Variants in RBFOX1 observed in about 807,000 individuals in gnomAD.
RBFOX1 encodes RNA binding fox-1 homolog 1, also known as RNA binding protein fox-1 homolog 1.
Under a neutral mutation model 57.7 loss-of-function variants are expected in RBFOX1, and 8 were observed. That is an observed-to-expected ratio of 0.14 (90% CI 0.08 to 0.25). The LOEUF (loss-of-function observed/expected upper bound fraction) is 0.25, where lower values mean the gene tolerates loss of function less well. Ranked by LOEUF, RBFOX1 falls within the 10% of genes least tolerant of loss-of-function variation. The probability of loss-of-function intolerance (pLI) is 1.00; values close to 1 mark genes in which losing one functional copy is unlikely to be tolerated. For missense variants in RBFOX1, 611 were observed against 548.5 expected (o/e 1.11, Z -1.14); for synonymous variants, 326 against 222.4 (o/e 1.47, Z -4.15).
At chr16:5,599,454 C>T (rs1013132694) in exon 3 of RBFOX1, 1 of 538,990 alleles carries the variant, frequency 1.9e-6, no homozygotes, top group African/African-American at 1.9e-5. Flanking sequence ...CCCGTGTATC[C>T]CTCATCTGTC....
chr16:7,263,203 G>A (rs999464463), intron 4 of RBFOX1, among the ~76,000 whole-genome samples: 3 of 152,176 alleles, frequency 2.0e-5, no homozygotes, highest in Non-Finnish European at 2.9e-5. Context: ...TGGCAGAGCC[G>A]TGAGTTACTT....
At chr16:6,220,393 G>C (rs967617347) in intron 1 of RBFOX1, among the ~76,000 whole-genome samples, 1 of 152,128 alleles carries the variant, frequency 6.6e-6, no homozygotes, top group Admixed American at 6.5e-5. Context: ...GGATTTAGAA[G>C]ACTCCACTGA....
At chr16:6,306,296 A>G (rs570615782) in intron 1 of RBFOX1, among the ~76,000 whole-genome samples, 1 of 152,164 alleles carries the variant, frequency 6.6e-6, no homozygotes, top group Non-Finnish European at 1.5e-5. Context: ...CTGAGAGTTG[A>G]ATCATGGATG....
intron 4 of RBFOX1, among the ~76,000 whole-genome samples, chr16:7,180,411 C>G (rs2082469207): frequency 6.6e-6 from 1 of 152,156 alleles, no homozygotes. Flanking sequence ...TCATGGGTCA[C>G]TCTTGTCATC....
intron 2 of RBFOX1, among the ~76,000 whole-genome samples, chr16:6,652,100 C>T (rs75336753): frequency 0.014 from 2,169 of 152,182 alleles, 60 homozygotes; most frequent in African/African-American, 0.049. Flanking sequence ...GGAGGTAATT[C>T]AGGTTAAGTG....
rs142311683 is a variant in RBFOX1, at chr16:5,334,192, T to C, written c.219+94087T>C. On this transcript the variant is annotated intron_variant, in intron 1 of 2. Transcript: ENST00000585867. Reference sequence around the variant, plus strand: ...ATGTGTCTGGTCAGAGGGGAGGATATCTTGGGGCTGACATCTCTCCGGCCA... The same window carrying C: ...ATGTGTCTGGTCAGAGGGGAGGATACCTTGGGGCTGACATCTCTCCGGCCA... Among the ~76,000 whole-genome samples, 25 of 152,194 alleles carry C rather than the reference T, an allele frequency of 1.6e-4. 1 individual carries two copies. Among genetic ancestry groups the C allele is most frequent in the African/African-American group, 6.0e-4 (25 of 41,518 alleles).
intron 1 of RBFOX1, among the ~76,000 whole-genome samples, chr16:5,420,044 C>T (rs948576363): frequency 1.3e-5 from 2 of 152,094 alleles, no homozygotes; most frequent in Non-Finnish European, 2.9e-5. Context: ...AACTGAGTCC[C>T]CTGCCCATAT....
chr16:5,319,790 G>A (rs2064350591), intron 1 of RBFOX1, among the ~76,000 whole-genome samples: 2 of 152,150 alleles, frequency 1.3e-5, no homozygotes, highest in Non-Finnish European at 2.9e-5. Context: ...CTGGTTGGAT[G>A]GCTTTCCACA....
intron 3 of RBFOX1, among the ~76,000 whole-genome samples, chr16:5,834,770 C>CAT (rs2056403593): frequency 6.9e-6 from 1 of 145,504 alleles, no homozygotes; most frequent in African/African-American, 2.6e-5. Flanking sequence ...TACATACATG[C>CAT]ACAGATGATA....
chr16:5,985,351 C>G (rs1278439806), intron 4 of RBFOX1, among the ~76,000 whole-genome samples: 2 of 151,952 alleles, frequency 1.3e-5, no homozygotes, highest in Non-Finnish European at 1.5e-5. Context: ...TGGTGAGAAA[C>G]TCATTCTGCA....
chr16:5,358,382 T>A (rs1294901673), intron 1 of RBFOX1, among the ~76,000 whole-genome samples: 2 of 150,884 alleles, frequency 1.3e-5, no homozygotes, highest in Non-Finnish European at 2.9e-5. Flanking sequence ...GTTAAGACTT[T>A]AACACATGCA....
rs60795036 is a variant in RBFOX1 at position 5,608,414 on chromosome 16, C to G, written c.318+9453C>G. The stretch of plus-strand genomic sequence containing the variant: ...GCCACATGATGAAGGGGCAATATGG[C>G]AAAGTGGTTCTGTGCATGGCTGGGA... On this transcript the variant is annotated intron_variant, in intron 3 of 19. Transcript: ENST00000641259. 9.6e-3 allele frequency among the ~76,000 whole-genome samples: 1,460 copies of G among 152,292 alleles called. 23 individuals carry two copies. Among genetic ancestry groups the G allele is most frequent in the African/African-American group, 0.034 (1,394 of 41,570 alleles).
upstream of RBFOX1, among the ~76,000 whole-genome samples, chr16:6,017,832 G>C (rs1487262261): frequency 6.6e-6 from 1 of 152,116 alleles, no homozygotes; most frequent in East Asian, 1.9e-4. Context: ...TAGTACAAAG[G>C]AATGCACATC....
chr16:6,952,641 C>G (rs895802088), intron 3 of RBFOX1, among the ~76,000 whole-genome samples: 1 of 151,556 alleles, frequency 6.6e-6, no homozygotes, highest in Non-Finnish European at 1.5e-5. Flanking sequence ...CTGTCTCCCT[C>G]CTCCCTCCAA....
At chr16:6,822,897 A>G (rs986087621) in intron 3 of RBFOX1, among the ~76,000 whole-genome samples, 1 of 152,216 alleles carries the variant, frequency 6.6e-6, no homozygotes, top group Non-Finnish European at 1.5e-5. Context: ...GCATGCATTA[A>G]TATTAACAAG....
intron 5 of RBFOX1, among the ~76,000 whole-genome samples, chr16:7,570,178 TAAA>T (rs58978150): frequency 6.7e-6 from 1 of 149,742 alleles, no homozygotes; most frequent in South Asian, 2.1e-4. Context: ...TTTTTTTTTT[TAAA>T]AAGTGACTTC....
chr16:6,821,702 C>G (rs185306988), intron 3 of RBFOX1, among the ~76,000 whole-genome samples: 1 of 152,178 alleles, frequency 6.6e-6, no homozygotes, highest in Admixed American at 6.5e-5. Flanking sequence ...CACATGATAG[C>G]CTGTATCAGT....
At chr16:5,453,121 T>C (rs2068478634) in intron 1 of RBFOX1, among the ~76,000 whole-genome samples, 1 of 152,200 alleles carries the variant, frequency 6.6e-6, no homozygotes, top group Admixed American at 6.5e-5. Context: ...TCAGTCAGTC[T>C]ATCCCTACCT....
chr16:5,844,472 C>G (rs1020142693), intron 3 of RBFOX1, among the ~76,000 whole-genome samples: 1 of 152,210 alleles, frequency 6.6e-6, no homozygotes. Flanking sequence ...TAGCATCTGT[C>G]TTCATCCCTG....
Sources: gnomAD v4.1 joint callset for allele counts (sites outside exome capture counted in the v4.1 genomes callset) on GRCh38, gnomAD v4.1.1 for gene constraint, MANE v1.5 for transcripts, NCBI Gene and HGNC (gene_info 2026-07-23, HGNC 2026-07-21) for gene names.